The following TNR variants were observed in gnomAD, a reference collection of about 807,000 sequenced individuals.
TNR encodes the protein tenascin R, also known as tenascin-R.
In TNR, 45 loss-of-function variants were observed where a neutral mutation model predicts 150.4. That is an observed-to-expected ratio of 0.30 (90% CI 0.24 to 0.38). The LOEUF (loss-of-function observed/expected upper bound fraction) is 0.38, where lower values mean the gene tolerates loss of function less well. Ranked by LOEUF, TNR falls within the 10% of genes least tolerant of loss-of-function variation. TNR has a pLI of 1.00. For synonymous variants in TNR, 687 were observed against 678.4 expected (o/e 1.01, Z -0.20); for missense variants, 1,544 against 1,759.1 (o/e 0.88, Z 2.19).
intron 1 of TNR, among the ~76,000 whole-genome samples, chr1:175,558,839 T>C (rs138169724): frequency 1.0e-3 from 152 of 152,326 alleles, no homozygotes; most frequent in Non-Finnish European, 1.6e-3. Flanking sequence ...CTTTGTGTGA[T>C]ACTGTAATGG....
chr1:175,355,457 C>A, intron 17 of TNR, 46 bp downstream of exon 17: 1 of 1,601,550 alleles, frequency 6.2e-7, no homozygotes, highest in South Asian at 1.1e-5. Context: ...TTCCACATGG[C>A]CTCACTTGGA....
chr1:175,682,391 A>C (rs1666061387), intron 1 of TNR, among the ~76,000 whole-genome samples: 1 of 152,192 alleles, frequency 6.6e-6, no homozygotes, highest in Admixed American at 6.5e-5. Flanking sequence ...CAGAGAGGCG[A>C]GTACCTTTTA....
intron 10 of TNR, among the ~76,000 whole-genome samples, chr1:175,366,984 G>A (rs907649087): frequency 1.3e-5 from 2 of 152,164 alleles, no homozygotes; most frequent in African/African-American, 4.8e-5. Context: ...CAGACCACGG[G>A]GGACCGAGCA....
intron 1 of TNR, among the ~76,000 whole-genome samples, chr1:175,720,574 A>G (rs1172999631): frequency 6.6e-6 from 1 of 152,230 alleles, no homozygotes; most frequent in African/African-American, 2.4e-5. Flanking sequence ...AAGGAAGTAG[A>G]TGTTTCAATA....
At chr1:175,511,486 T>G in intron 2 of TNR, among the ~76,000 whole-genome samples, 1 of 152,216 alleles carries the variant, frequency 6.6e-6, no homozygotes, top group Non-Finnish European at 1.5e-5. Flanking sequence ...TAAGGTTTTA[T>G]TGTACTGCAA....
intron 1 of TNR, among the ~76,000 whole-genome samples, chr1:175,639,879 T>C (rs1281590917): frequency 6.6e-6 from 1 of 152,250 alleles, no homozygotes; most frequent in Non-Finnish European, 1.5e-5. Context: ...AAATGTCCTC[T>C]GTCAGAACCT....
rs1314085900 is a variant in TNR, at chr1:175,337,616, C to T, written c.3446G>A (p.Ser1149Asn). The T allele has an allele frequency of 6.2e-7, 1 of 1,614,072 alleles. No homozygotes were observed. The highest frequency in any genetic ancestry group is 1.3e-5 in the African/African-American group (1 of 74,918). ...ATTGAGGAAGATGGGGTAAACCCCA[C>T]TCAAAGTGTCTCCATTCATCAAATG... The part of the protein sequence containing the change: ...AQHLMNGDTL[S>N]GVYPIFLNGE... Residue 1149 changes from serine (S) to asparagine (N), a missense_variant, in exon 19 of 23, where the codon AGT becomes AAT. Physicochemically the swap from Ser to Asn is conservative, Grantham distance 46. Coordinates refer to ENST00000367674, the MANE Select transcript of TNR (RefSeq NM_003285.3).
At position 175,706,821 on chromosome 1, in the gene TNR, C is replaced by CA. The variant is rs200622815; in HGVS notation, c.-165+36404dup. Among the ~76,000 whole-genome samples, 833 of 152,144 alleles carry CA rather than the reference C, an allele frequency of 5.5e-3. 13 individuals carry two copies. The highest frequency in any genetic ancestry group is 0.016 in the African/African-American group (685 of 41,520). On this transcript the variant is annotated intron_variant, in intron 1 of 22. Coordinates refer to ENST00000367674, the MANE Select transcript of TNR (RefSeq NM_003285.3). ...GAGATAGTCACCACCTCCTTACCCC[C>CA]AAAAAAACCCTTCCAAGTAAAACTG... is the stretch of plus-strand genomic sequence containing the variant.
At chr1:175,554,270 TGTGCATGA>T (rs1211322882) in intron 1 of TNR, among the ~76,000 whole-genome samples, 1 of 151,546 alleles carries the variant, frequency 6.6e-6, no homozygotes, top group African/African-American at 2.4e-5. Context: ...AACTTGGGTT[TGTGCATGA>T]GTGCACAAAT....
chr1:175,652,284 C>T (rs1006027376), intron 1 of TNR, among the ~76,000 whole-genome samples: 2 of 151,252 alleles, frequency 1.3e-5, no homozygotes, highest in Non-Finnish European at 2.9e-5. Context: ...ACTTAAGGGG[C>T]ACAAATGACA....
intron 1 of TNR, among the ~76,000 whole-genome samples, chr1:175,534,018 A>G (rs41494550): frequency 0.041 from 6,252 of 152,284 alleles, 260 homozygotes; most frequent in African/African-American, 0.1. Context: ...GTCTGAACTG[A>G]AGAAGAGAAG....
At chr1:175,662,125 G>A (rs1271723991) in intron 1 of TNR, among the ~76,000 whole-genome samples, 2 of 152,166 alleles carry the variant, frequency 1.3e-5, no homozygotes, top group Non-Finnish European at 2.9e-5. Context: ...GCAAGGAGGT[G>A]GGGTGGATTC....
intron 1 of TNR, among the ~76,000 whole-genome samples, chr1:175,722,759 G>A (rs1667343503): frequency 6.7e-6 from 1 of 149,230 alleles, no homozygotes; most frequent in Non-Finnish European, 1.5e-5. Context: ...GAGCCACTGT[G>A]CCTGGCCTAT....
chr1:175,660,952 A>G (rs1365864216), intron 1 of TNR, among the ~76,000 whole-genome samples: 1 of 152,212 alleles, frequency 6.6e-6, no homozygotes, highest in African/African-American at 2.4e-5. Flanking sequence ...CAGGAATGGC[A>G]TTAATGTCTG....
At chr1:175,546,315 A>G (rs1660685118) in intron 1 of TNR, among the ~76,000 whole-genome samples, 1 of 152,210 alleles carries the variant, frequency 6.6e-6, no homozygotes, top group African/African-American at 2.4e-5. Context: ...GGCTGCTTTA[A>G]CATGGGGGTG....
At chr1:175,572,087 A>G (rs1661896500) in intron 1 of TNR, among the ~76,000 whole-genome samples, 1 of 152,094 alleles carries the variant, frequency 6.6e-6, no homozygotes, top group African/African-American at 2.4e-5. Context: ...AGCACCTTCT[A>G]CACCTGGATT....
At chr1:175,661,170 C>T (rs1242837004) in intron 1 of TNR, among the ~76,000 whole-genome samples, 1 of 152,132 alleles carries the variant, frequency 6.6e-6, no homozygotes, top group East Asian at 1.9e-4. Context: ...GCAGCCCAGT[C>T]AACAGTGAGA....
chr1:175,417,011 A>AAAAGAAGGAAAGAAAGAAAGAAAGAAAG (rs1654498179), intron 2 of TNR, among the ~76,000 whole-genome samples: 1 of 90,848 alleles, frequency 1.1e-5, no homozygotes, highest in African/African-American at 4.6e-5. Flanking sequence ...CCATCTCAAA[A>AAAAGAAGGAAAGAAAGAAAGAAAGAAAG]AAAGAAAGAA....
Position 175,523,554 on chromosome 1 carries a change from T to A in TNR, c.-64+4715A>T, listed in dbSNP as rs187274973. Among the ~76,000 whole-genome samples the A allele has an allele frequency of 2.2e-3, 337 of 152,350 alleles. 1 individual carries two copies. The highest frequency in any genetic ancestry group is 7.6e-3 in the African/African-American group (317 of 41,574). ...GCACAGTAAGAAAAAGTACAATACG[T>A]GCTCTGAGGGTTTAGTGCAGAAGAG... On this transcript the variant is annotated intron_variant, in intron 2 of 22. Transcript: ENST00000367674.
Sources: allele counts gnomAD v4.1 joint callset (sites outside exome capture counted in the v4.1 genomes callset), GRCh38; gene constraint gnomAD v4.1.1; transcripts MANE v1.5; gene names NCBI Gene and HGNC (gene_info 2026-07-23, HGNC 2026-07-21).